LYST: variants seen among roughly 807,000 people sequenced by gnomAD.
LYST encodes lysosomal trafficking regulator.
In LYST, 192 loss-of-function variants were observed where a neutral mutation model predicts 413.6. The ratio of observed to expected loss-of-function variants is 0.46; its 90% CI spans 0.41 to 0.52. LYST has a LOEUF of 0.52. Ranked by LOEUF, LYST falls within the 20% of genes least tolerant of loss-of-function variation. The probability of loss-of-function intolerance (pLI) is 0.00; values close to 1 mark genes in which losing one functional copy is unlikely to be tolerated. For synonymous variants in LYST, 1,525 were observed against 1,567.3 expected, an observed-to-expected ratio of 0.97 and a Z score of 0.64; for missense variants, 3,815 against 4,499.9, an observed-to-expected ratio of 0.85 and a Z score of 4.35.
At chr1:235,755,732 T>C in intron 24 of LYST, 85 bp from the exon 25 acceptor site, 1 of 765,814 alleles carries the variant, frequency 1.3e-6, no homozygotes, top group South Asian at 1.5e-5. Context: ...ACTGTATTTG[T>C]AAATTAAGTT....
At chr1:235,691,115 T>C (rs1303669991) in intron 47 of LYST, among the ~76,000 whole-genome samples, 1 of 152,116 alleles carries the variant, frequency 6.6e-6, no homozygotes, top group Non-Finnish European at 1.5e-5. Context: ...AGACGGGGTT[T>C]CACTGTGTTA....
chr1:235,724,677 C>T (rs965994451), intron 38 of LYST, among the ~76,000 whole-genome samples: 5 of 152,188 alleles, frequency 3.3e-5, no homozygotes, highest in Non-Finnish European at 5.9e-5. Flanking sequence ...CCTACTCATC[C>T]CTCCTTTCCT....
chr1:235,703,913 C>A (rs1002437766), intron 44 of LYST, among the ~76,000 whole-genome samples: 1 of 134,876 alleles, frequency 7.4e-6, no homozygotes, highest in Non-Finnish European at 1.6e-5. Flanking sequence ...CTCCTCCTAT[C>A]CCTCACCCTA....
chr1:235,819,634 CT>C (rs1674537561), intron 3 of LYST, among the ~76,000 whole-genome samples: 1 of 152,084 alleles, frequency 6.6e-6, no homozygotes. Flanking sequence ...ACATACCACT[CT>C]TATTTAATAC....
At chr1:235,687,323 T>C (rs1050284079) in intron 47 of LYST, among the ~76,000 whole-genome samples, 1 of 152,160 alleles carries the variant, frequency 6.6e-6, no homozygotes, top group African/African-American at 2.4e-5. Context: ...TGGATATATG[T>C]GTATATATAT....
intron 48 of LYST, among the ~76,000 whole-genome samples, chr1:235,683,897 C>T (rs1281151724): frequency 4.6e-5 from 7 of 152,190 alleles, no homozygotes; most frequent in Non-Finnish European, 8.8e-5. Context: ...ACAATGTCTA[C>T]AAATACCCAA....
intron 3 of LYST, among the ~76,000 whole-genome samples, chr1:235,824,789 A>T (rs1675145839): frequency 6.6e-6 from 1 of 152,164 alleles, no homozygotes; most frequent in Non-Finnish European, 1.5e-5. Context: ...TGGGTGGCTG[A>T]GGCGGGTGGA....
At chr1:235,737,915 G>GAAAGGTGA in intron 31 of LYST, 24 of 1,160,568 alleles carry the variant, frequency 2.1e-5, no homozygotes, top group Admixed American at 1.8e-4. Context: ...CGCTGCCGAC[G>GAAAGGTGA]AGTCTGGATC....
chr1:235,800,375 T>C lies in LYST; in HGVS notation c.3951A>G (p.Lys1317=). The part of the protein sequence containing the change: ...VFLLMQQGTV[K]NLLGGFLSIL... ...TACTCAAGAACCCTCCTAAAAGATT[T>C]TTCACAGTTCCCTGAAGATTAAAAA... is the stretch of plus-strand genomic sequence containing the variant. The change falls in exon 10 of 53, where the codon AAA becomes AAG. Residue 1317 remains lysine, a synonymous_variant. Transcript: ENST00000389793. 1.3e-6 allele frequency: 2 copies of C among 1,578,250 alleles called. No individual in the cohort carries two copies. Among genetic ancestry groups the C allele is most frequent in the South Asian group, 2.2e-5 (2 of 90,356 alleles).
chr1:235,815,075 C>T (rs1673911186), intron 3 of LYST, among the ~76,000 whole-genome samples: 1 of 152,204 alleles, frequency 6.6e-6, no homozygotes, highest in East Asian at 1.9e-4. Flanking sequence ...ACCCTACCTG[C>T]TTCCCTTAGT....
chr1:235,708,641 C>T (rs10802959), intron 44 of LYST, among the ~76,000 whole-genome samples: 76,007 of 152,082 alleles, frequency 0.5, 22,441 homozygotes, highest in African/African-American at 0.82. Context: ...GCACACTGAG[C>T]CTCTAATGAG....
intron 44 of LYST, among the ~76,000 whole-genome samples, chr1:235,704,841 G>A (rs7540646): frequency 1.3e-5 from 2 of 151,996 alleles, no homozygotes; most frequent in Non-Finnish European, 2.9e-5. Flanking sequence ...GCTACTTAAT[G>A]TACTCAAAAA....
At chr1:235,804,246 G>A (rs1340790936) in intron 7 of LYST, among the ~76,000 whole-genome samples, 2 of 152,140 alleles carry the variant, frequency 1.3e-5, no homozygotes, top group Non-Finnish European at 2.9e-5. Context: ...TTAACTCGAA[G>A]TAATTCTCAG....
At chr1:235,862,311 C>A (rs1320652325) in intron 1 of LYST, among the ~76,000 whole-genome samples, 4 of 152,202 alleles carry the variant, frequency 2.6e-5, no homozygotes, top group African/African-American at 9.6e-5. Context: ...TCCGCAGATT[C>A]ATTTTCCAAG....
In LYST at chr1:235,682,303, C is replaced by G. The variant is rs199695792; in HGVS notation, c.10800+4646G>C. Among the ~76,000 whole-genome samples, 7 of 152,160 alleles carry G rather than the reference C, an allele frequency of 4.6e-5. No individual in the cohort carries two copies. In the East Asian group the frequency reaches 1.4e-3, roughly 29 times the overall value. ...TTGTGCCACTGTACTCCAGCATGGG[C>G]AAAAGGGCAAGACCCTGTATGCCCA... On this transcript the variant is annotated intron_variant, in intron 48 of 52. Coordinates refer to ENST00000389793, the MANE Select transcript of LYST (RefSeq NM_000081.4).
At chr1:235,767,522 T>G (rs1668262937) in intron 20 of LYST, among the ~76,000 whole-genome samples, 1 of 152,146 alleles carries the variant, frequency 6.6e-6, no homozygotes, top group Non-Finnish European at 1.5e-5. Flanking sequence ...ACTCCATGTA[T>G]CTTCTTAACT....
intron 28 of LYST, chr1:235,747,202 C>G (rs916365169): frequency 2.2e-6 from 1 of 449,020 alleles, no homozygotes; most frequent in African/African-American, 2.0e-5. Context: ...GGTAGTGCAT[C>G]CAGGAGAAAA....
intron 19 of LYST, 99 bp from the exon 20 acceptor site, chr1:235,770,396 A>G (rs981649450): frequency 2.9e-5 from 30 of 1,045,994 alleles, no homozygotes; most frequent in Non-Finnish European, 4.2e-5. Flanking sequence ...AACATTGTGT[A>G]TATATTCAGT....
chr1:235,703,619 T>A (rs1438779840), intron 44 of LYST, among the ~76,000 whole-genome samples: 8 of 152,214 alleles, frequency 5.3e-5, no homozygotes, highest in Non-Finnish European at 7.3e-5. Context: ...ATTTAATCAG[T>A]CATAGTGGCT....
Sources: gnomAD v4.1 joint callset for allele counts (sites outside exome capture counted in the v4.1 genomes callset) on GRCh38, gnomAD v4.1.1 for gene constraint, MANE v1.5 for transcripts, NCBI Gene and HGNC (gene_info 2026-07-23, HGNC 2026-07-21) for gene names.